The following SPRY3 variants were observed in gnomAD, a reference collection of about 807,000 sequenced individuals.
SPRY3 encodes sprouty RTK signaling antagonist 3, also known as protein sprouty homolog 3.
In SPRY3, 15 loss-of-function variants were observed where a neutral mutation model predicts 20.2. That is an observed-to-expected ratio of 0.74 (90% confidence interval 0.50 to 1.14). The LOEUF (loss-of-function observed/expected upper bound fraction) is 1.14. SPRY3 is among the 50% of genes most tolerant of loss of function. The pLI is 0.00. For synonymous variants in SPRY3, 143 were observed against 136.5 expected (o/e 1.05, Z -0.33); for missense variants, 364 against 363.9 (o/e 1.00, Z 0.00).
intron 2 of SPRY3, among the ~76,000 whole-genome samples, chrX:155,693,368 A>G (rs2068109356): frequency 8.9e-6 from 1 of 111,832 alleles, no homozygotes; most frequent in Admixed American, 9.6e-5. Flanking sequence ...ATCACTTTAT[A>G]TTTATTGAAA....
At chrX:155,665,219 G>A (rs2068021032) in intron 2 of SPRY3, among the ~76,000 whole-genome samples, 3 of 110,644 alleles carry the variant, frequency 2.7e-5, no homozygotes, top group Non-Finnish European at 3.8e-5. Flanking sequence ...AATTTACTCT[G>A]ATAACACCAA....
intron 2 of SPRY3, chrX:155,669,893 C>T (rs1191082325): frequency 3.6e-5 from 4 of 111,022 alleles, no homozygotes; most frequent in African/African-American, 9.8e-5. Context: ...ATAGGCATGA[C>T]TATGGCCATC....
At chrX:155,707,532 T>C (rs1192720931) in intron 2 of SPRY3, among the ~76,000 whole-genome samples, 3 of 151,260 alleles carry the variant, frequency 2.0e-5, no homozygotes, top group Non-Finnish European at 4.5e-5. Flanking sequence ...CTAATATCTA[T>C]TTGTCCTAGC....
At chrX:155,648,321 A>G (rs1330696390) in intron 1 of SPRY3, among the ~76,000 whole-genome samples, 3 of 112,599 alleles carry the variant, frequency 2.7e-5, no homozygotes, top group African/African-American at 9.7e-5. Context: ...CCATTTGTCA[A>G]TGTTGGCTTT....
intron 2 of SPRY3, among the ~76,000 whole-genome samples, chrX:155,671,257 T>C (rs960952527): frequency 8.9e-5 from 10 of 111,920 alleles, no homozygotes; most frequent in African/African-American, 3.2e-4. Context: ...ACTTATGATT[T>C]AAACAGTAAC....
At chrX:155,745,866 C>T (rs2091223186) in intron 2 of SPRY3, among the ~76,000 whole-genome samples, 1 of 151,994 alleles carries the variant, frequency 6.6e-6, no homozygotes, top group African/African-American at 2.4e-5. Flanking sequence ...CTTGAGCTAG[C>T]TACAGAGAAC....
chrX:155,617,079 C>T (rs897191366), intron 1 of SPRY3, among the ~76,000 whole-genome samples: 1 of 105,329 alleles, frequency 9.5e-6, no homozygotes, highest in Non-Finnish European at 1.9e-5. Flanking sequence ...ATACATTCTT[C>T]CTCCATCTAG....
intron 2 of SPRY3, among the ~76,000 whole-genome samples, chrX:155,714,530 C>CCCAAACATATGGCA (rs1181764988): frequency 6.6e-6 from 1 of 152,098 alleles, no homozygotes; most frequent in Non-Finnish European, 1.5e-5. Flanking sequence ...ATCTCTTTTT[C>CCCAAACATATGGCA]TCTGTGTTGA....
chrX:155,764,969 A>G (rs2091318878), intron 2 of SPRY3, among the ~76,000 whole-genome samples: 1 of 152,176 alleles, frequency 6.6e-6, no homozygotes, highest in African/African-American at 2.4e-5. Flanking sequence ...GGGGAGTCCG[A>G]CTTCCTCATA....
chrX:155,688,767 G>A (rs1188494935), intron 2 of SPRY3, among the ~76,000 whole-genome samples: 3 of 101,791 alleles, frequency 2.9e-5, no homozygotes, highest in Non-Finnish European at 5.9e-5. Context: ...GTGCCATGGT[G>A]GTTTGCTACA....
At chrX:155,758,115 G>C (rs931008315) in intron 2 of SPRY3, among the ~76,000 whole-genome samples, 4 of 152,182 alleles carry the variant, frequency 2.6e-5, no homozygotes, top group Non-Finnish European at 4.4e-5. Flanking sequence ...CAGACTGTGA[G>C]TAATGAGAGG....
At chrX:155,718,438 T>C (rs2091035942) in intron 2 of SPRY3, among the ~76,000 whole-genome samples, 1 of 152,048 alleles carries the variant, frequency 6.6e-6, no homozygotes, top group Non-Finnish European at 1.5e-5. Flanking sequence ...GCAGAAAACA[T>C]ATGAGCCTGA....
chrX:155,727,466 A>G (rs1447715638), intron 2 of SPRY3, among the ~76,000 whole-genome samples: 1 of 152,004 alleles, frequency 6.6e-6, no homozygotes, highest in Non-Finnish European at 1.5e-5. Flanking sequence ...TGGTCTTTTC[A>G]CATAGTCCCA....
intron 2 of SPRY3, among the ~76,000 whole-genome samples, chrX:155,688,646 C>G (rs1169342450): frequency 9.1e-6 from 1 of 109,890 alleles, no homozygotes; most frequent in African/African-American, 3.3e-5. Flanking sequence ...TGATGTTGAG[C>G]TTTTTTCCAT....
chrX:155,623,092 A>C (rs1480565173), intron 1 of SPRY3, among the ~76,000 whole-genome samples: 1 of 111,977 alleles, frequency 8.9e-6, no homozygotes, highest in African/African-American at 3.2e-5. Flanking sequence ...CAGCTGATTG[A>C]TTGCTGTCAC....
intron 2 of SPRY3, among the ~76,000 whole-genome samples, chrX:155,676,737 TC>T (rs782357926): frequency 1.1e-3 from 123 of 112,086 alleles, no homozygotes; most frequent in Non-Finnish European, 1.8e-3. Flanking sequence ...TCTTTTTGTG[TC>T]CTCACATGGC....
At chrX:155,753,724 C>T (rs1342970421) in intron 2 of SPRY3, among the ~76,000 whole-genome samples, 1 of 151,950 alleles carries the variant, frequency 6.6e-6, no homozygotes, top group African/African-American at 2.4e-5. Flanking sequence ...GTGTATGAGG[C>T]TTCCAATTTC....
intron 2 of SPRY3, among the ~76,000 whole-genome samples, chrX:155,672,861 T>G (rs1316101334): frequency 1.9e-5 from 2 of 104,637 alleles, no homozygotes; most frequent in Non-Finnish European, 3.9e-5. Context: ...GTGGCACATA[T>G]ACACCATGGA....
At chrX:155,767,751 G>GGAGA (rs1228378751) in intron 2 of SPRY3, 19 of 149,314 alleles carry the variant, frequency 1.3e-4, no homozygotes, top group Non-Finnish European at 2.7e-4. Context: ...AGGAGGAGGA[G>GGAGA]GAGAGAGAGG....
Sources: allele counts gnomAD v4.1 joint callset (sites outside exome capture counted in the v4.1 genomes callset), GRCh38; gene constraint gnomAD v4.1.1; transcripts MANE v1.5; gene names NCBI Gene and HGNC (gene_info 2026-07-23, HGNC 2026-07-21).